Variants in SSH2 observed in about 807,000 individuals in gnomAD.
SSH2 encodes protein phosphatase Slingshot homolog 2.
Under a neutral mutation model 135.2 loss-of-function variants are expected in SSH2, and 37 were observed. That is an observed-to-expected ratio of 0.27 (90% CI 0.21 to 0.36). The LOEUF is 0.36. Ranked by LOEUF, SSH2 falls within the 10% of genes least tolerant of loss-of-function variation. The probability of loss-of-function intolerance (pLI) is 1.00; values close to 1 mark genes in which losing one functional copy is unlikely to be tolerated. For synonymous variants in SSH2, 628 were observed against 646.2 expected (o/e 0.97, Z 0.43); for missense variants, 1,408 against 1,765.3 (o/e 0.80, Z 3.63).
intron 2 of SSH2, among the ~76,000 whole-genome samples, chr17:29,839,664 C>CA (rs973183687): frequency 1.1e-4 from 16 of 152,274 alleles, no homozygotes; most frequent in African/African-American, 3.4e-4. Flanking sequence ...ACCTACTGAA[C>CA]AAGAAACTTC....
Position 29,766,415 on chromosome 17 carries a change from G to A in SSH2, c.188+27479C>T, listed in dbSNP as rs181044642. ...GGAGGTTGCAGTGAGCTAAGATCGC[G>A]CCACTGCACTCTAGTCGGGGCAACA... On this transcript the variant is annotated intron_variant, in intron 3 of 15. Transcript: ENST00000540801. 1.0e-3 allele frequency among the ~76,000 whole-genome samples: 152 copies of A among 151,430 alleles called. 2 individuals are homozygous for A. The Middle Eastern group carries it at 0.01, about 10-fold the overall frequency.
intron 3 of SSH2, among the ~76,000 whole-genome samples, chr17:29,767,658 T>C (rs1217803299): frequency 2.0e-5 from 3 of 151,770 alleles, no homozygotes; most frequent in Non-Finnish European, 2.9e-5. Flanking sequence ...CACAGAATTA[T>C]ACATATTATT....
intron 1 of SSH2, among the ~76,000 whole-genome samples, chr17:29,926,032 T>C (rs545683133): frequency 3.3e-5 from 5 of 152,266 alleles, no homozygotes; most frequent in African/African-American, 1.2e-4. Context: ...TCCTAAGAGT[T>C]GGCATCTCTG....
chr17:29,927,925 CTA>C (rs1649413878), intron 1 of SSH2, among the ~76,000 whole-genome samples: 1 of 152,186 alleles, frequency 6.6e-6, no homozygotes, highest in South Asian at 2.1e-4. Flanking sequence ...TCAAAAGTGA[CTA>C]TTAACATACC....
intron 1 of SSH2, among the ~76,000 whole-genome samples, chr17:29,919,492 G>C (rs1345487587): frequency 1.3e-5 from 2 of 152,170 alleles, no homozygotes; most frequent in Non-Finnish European, 2.9e-5. Flanking sequence ...AGATGGGCAA[G>C]AAAATGCAGG....
At position 29,686,128 on chromosome 17, in the gene SSH2, C is replaced by T. The variant is rs1253951351; in HGVS notation, c.358-1444G>A. ...CTCACAAGATGCTGGGGTTTACAGG[C>T]GTGAGCCACCGCGCCCAGCCTTGAT... On this transcript the variant is annotated intron_variant, in intron 5 of 15. Coordinates refer to ENST00000540801, the MANE Select transcript of SSH2 (RefSeq NM_001282129.2). 3.9e-5 allele frequency among the ~76,000 whole-genome samples: 6 copies of T among 152,026 alleles called. No individual in the cohort carries two copies. In the East Asian group the frequency reaches 5.8e-4, roughly 15 times the overall value.
In SSH2 at chr17:29,731,417, TTTTATTTATTTATTTATTTATTTATTTA is replaced by T. The variant is rs142032070; in HGVS notation, c.189-28383_189-28356del. On this transcript the variant is annotated intron_variant, in intron 3 of 15. Coordinates refer to ENST00000540801, the MANE Select transcript of SSH2 (RefSeq NM_001282129.2). ...CTAGGTTTTTCATAGCAGAAGTATT[TTTTATTTATTTATTTATTTATTTATTTA>T]TTTATTTATTTATTTATTTATTTAT... is the stretch of plus-strand genomic sequence containing the variant. Among the ~76,000 whole-genome samples, 6 of 119,724 alleles carry T rather than the reference TTTTATTTATTTATTTATTTATTTATTTA, an allele frequency of 5.0e-5. No homozygotes were observed. In the East Asian group the frequency reaches 6.8e-4, roughly 14 times the overall value. 78.5% of individuals were successfully genotyped at this position (119,724 alleles called of 152,430 possible).
chr17:29,707,267 A>T (rs1316003838), intron 3 of SSH2, among the ~76,000 whole-genome samples: 2 of 152,200 alleles, frequency 1.3e-5, no homozygotes, highest in African/African-American at 4.8e-5. Flanking sequence ...TTTAAAGCAT[A>T]TCTAAATGTG....
chr17:29,862,766 C>A (rs979606925), intron 1 of SSH2, among the ~76,000 whole-genome samples: 3 of 152,198 alleles, frequency 2.0e-5, no homozygotes, highest in East Asian at 3.8e-4. Flanking sequence ...ACTCATTGCA[C>A]GTAACACACA....
intron 1 of SSH2, among the ~76,000 whole-genome samples, chr17:29,857,547 T>C (rs756520419): frequency 1.2e-4 from 19 of 152,262 alleles, no homozygotes; most frequent in Middle Eastern, 3.4e-3. Context: ...TGAAGTACAG[T>C]GGCATGATCA....
chr17:29,896,825 A>C (rs2066454352), intron 1 of SSH2, among the ~76,000 whole-genome samples: 1 of 151,828 alleles, frequency 6.6e-6, no homozygotes, highest in African/African-American at 2.4e-5. Context: ...GAACTGTCTT[A>C]TTTTAGTAAT....
intron 2 of SSH2, among the ~76,000 whole-genome samples, chr17:29,847,621 T>C (rs746982207): frequency 6.6e-6 from 1 of 152,192 alleles, no homozygotes; most frequent in East Asian, 1.9e-4. Context: ...GAACAATGTG[T>C]ATGAACTAAT....
At chr17:29,676,710 C>T (rs750828505) in intron 8 of SSH2, 110 bp downstream of exon 8, 3 of 892,588 alleles carry the variant, frequency 3.4e-6, no homozygotes, top group Admixed American at 2.1e-5. Context: ...GTTATACAAA[C>T]AGATCATTTA....
At chr17:29,736,150 G>A (rs1045958803) in intron 3 of SSH2, among the ~76,000 whole-genome samples, 2 of 152,118 alleles carry the variant, frequency 1.3e-5, no homozygotes, top group African/African-American at 4.8e-5. Context: ...CATTAAGTGA[G>A]AGTTGACTTA....
chr17:29,805,420 G>A (rs1436202349), intron 2 of SSH2, among the ~76,000 whole-genome samples: 1 of 152,054 alleles, frequency 6.6e-6, no homozygotes, highest in Non-Finnish European at 1.5e-5. Context: ...CTCCCAAAGT[G>A]CTGGGATTAC....
chr17:29,695,722 T>C (rs1260362242), intron 4 of SSH2, among the ~76,000 whole-genome samples, 199 bp from the exon 5 acceptor site: 1 of 152,196 alleles, frequency 6.6e-6, no homozygotes, highest in Non-Finnish European at 1.5e-5. Context: ...TACATTTGCT[T>C]TTAGTCTATA....
intron 3 of SSH2, among the ~76,000 whole-genome samples, chr17:29,778,740 A>G (rs1163775643): frequency 6.8e-6 from 1 of 147,276 alleles, no homozygotes; most frequent in Non-Finnish European, 1.5e-5. Flanking sequence ...AAGCTGAGGC[A>G]GGAGAATTGC....
At chr17:29,693,275 T>C (rs1379236740) in intron 5 of SSH2, among the ~76,000 whole-genome samples, 10 of 151,612 alleles carry the variant, frequency 6.6e-5, no homozygotes, top group Admixed American at 2.6e-4. Context: ...ACTGTAAGAA[T>C]AGCATCCCCC....
At chr17:29,687,203 G>A (rs2038260520) in intron 5 of SSH2, among the ~76,000 whole-genome samples, 1 of 152,126 alleles carries the variant, frequency 6.6e-6, no homozygotes, top group South Asian at 2.1e-4. Flanking sequence ...AAGAGGCATA[G>A]TTACACGGCT....
Sources: gnomAD v4.1 joint callset for allele counts (sites outside exome capture counted in the v4.1 genomes callset) on GRCh38, gnomAD v4.1.1 for gene constraint, MANE v1.5 for transcripts, NCBI Gene and HGNC (gene_info 2026-07-23, HGNC 2026-07-21) for gene names.